Variants in EXT2 observed in about 807,000 individuals in gnomAD.
EXT2 encodes the protein exostosin-2.
Under a neutral mutation model 81.6 loss-of-function variants are expected in EXT2, and 53 were observed. The ratio of observed to expected loss-of-function variants is 0.65; its 90% confidence interval spans 0.52 to 0.82. The LOEUF is 0.82. Ranked by LOEUF, EXT2 falls within the 40% of genes least tolerant of loss-of-function variation. The probability of loss-of-function intolerance (pLI) is 0.00; values close to 1 mark genes in which losing one functional copy is unlikely to be tolerated. For synonymous variants in EXT2, 320 were observed against 340.0 expected (o/e 0.94, Z 0.65); for missense variants, 774 against 910.2 (o/e 0.85, Z 1.93).
chr11:44,119,124 T>TCATATATA (rs1555004227), intron 4 of EXT2, among the ~76,000 whole-genome samples: 47 of 25,652 alleles, frequency 1.8e-3, no homozygotes, highest in African/African-American at 3.4e-3. Context: ...ATTTGGCTAT[T>TCATATATA]TATATATATA....
intron 10 of EXT2, among the ~76,000 whole-genome samples, chr11:44,221,291 A>G (rs1955779464): frequency 6.6e-6 from 1 of 151,654 alleles, no homozygotes; most frequent in Admixed American, 6.6e-5. Flanking sequence ...CCCTCACCTC[A>G]CCCCAGGATC....
intron 10 of EXT2, among the ~76,000 whole-genome samples, chr11:44,226,717 G>A (rs931466510): frequency 3.3e-5 from 5 of 152,374 alleles, no homozygotes; most frequent in Admixed American, 6.5e-5. Context: ...CATGCAAGAC[G>A]AAGCCTGAAG....
At chr11:44,178,744 C>A (rs871504) in intron 8 of EXT2, among the ~76,000 whole-genome samples, 4 of 151,902 alleles carry the variant, frequency 2.6e-5, no homozygotes, top group Non-Finnish European at 4.4e-5. Context: ...ACCCTGCCCC[C>A]CAGGAGGCCT....
chr11:44,132,026 A>G (rs1954500976), intron 7 of EXT2, among the ~76,000 whole-genome samples: 1 of 152,180 alleles, frequency 6.6e-6, no homozygotes, highest in South Asian at 2.1e-4. Context: ...GTGAGCCACC[A>G]CACCTGGCCC....
chr11:44,205,118 C>T (rs1955567117), intron 9 of EXT2, among the ~76,000 whole-genome samples: 1 of 152,162 alleles, frequency 6.6e-6, no homozygotes, highest in African/African-American at 2.4e-5. Context: ...CTGTGTATCA[C>T]TGGGCAAGTT....
At chr11:44,168,536 G>A (rs1955026871) in intron 7 of EXT2, among the ~76,000 whole-genome samples, 1 of 152,164 alleles carries the variant, frequency 6.6e-6, no homozygotes, top group Admixed American at 6.5e-5. Context: ...CCACACCTAG[G>A]CATGTCATAG....
chr11:44,122,427 C>G lies in EXT2; in HGVS notation c.744-2362C>G, dbSNP rs77096930. Among the ~76,000 whole-genome samples, 928 of 152,278 alleles carry G rather than the reference C, an allele frequency of 6.1e-3. 10 individuals are homozygous for G. Among genetic ancestry groups the G allele is most frequent in the African/African-American group, 0.021 (874 of 41,554 alleles). On this transcript the variant is annotated intron_variant, in intron 4 of 13. Transcript: ENST00000533608. ...AATTTGAGCAAAGATGGTGTTTAGT[C>G]TGAGATGAACTGCGGGTGCTCCCTG... is the stretch of plus-strand genomic sequence containing the variant.
intron 9 of EXT2, among the ~76,000 whole-genome samples, chr11:44,206,258 AC>A (rs2135202918): frequency 6.6e-6 from 1 of 152,242 alleles, no homozygotes; most frequent in South Asian, 2.1e-4. Context: ...CACGTCGGGG[AC>A]CTTCGGCACA....
Position 44,104,056 on chromosome 11 carries a change from TTA to T in EXT2, c.-30-3624_-30-3623del, listed in dbSNP as rs375577062. Among the ~76,000 whole-genome samples the T allele has an allele frequency of 2.9e-3, 435 of 152,306 alleles. 1 individual carries two copies. Among genetic ancestry groups the T allele is most frequent in the Middle Eastern group, 0.01 (3 of 294 alleles). On this transcript the variant is annotated intron_variant, in intron 1 of 13. Transcript: ENST00000533608. Reference sequence around the variant, plus strand: ...TTTACTTTGTTGTGATATGTCTTTTTTATAGTTAATCTGCAACTCATAAAGAT... The same window carrying T: ...TTTACTTTGTTGTGATATGTCTTTTTTAGTTAATCTGCAACTCATAAAGAT...
At chr11:44,210,797 C>T (rs1172328691) in intron 10 of EXT2, among the ~76,000 whole-genome samples, 4 of 151,992 alleles carry the variant, frequency 2.6e-5, no homozygotes, top group East Asian at 3.9e-4. Flanking sequence ...AAAATGTTGC[C>T]GAGAGAAATT....
intron 3 of EXT2, among the ~76,000 whole-genome samples, chr11:44,111,734 C>T (rs929214542): frequency 6.6e-6 from 1 of 152,100 alleles, no homozygotes; most frequent in South Asian, 2.1e-4. Context: ...ATCTTGAGGC[C>T]CGTCTTGTTT....
intron 4 of EXT2, among the ~76,000 whole-genome samples, chr11:44,120,680 A>G (rs1024904834): frequency 6.6e-6 from 1 of 152,200 alleles, no homozygotes; most frequent in Non-Finnish European, 1.5e-5. Flanking sequence ...GGCTATACAG[A>G]ATAGTGAGAG....
chr11:44,223,920 G>C (rs1955810884), intron 10 of EXT2, among the ~76,000 whole-genome samples: 1 of 152,194 alleles, frequency 6.6e-6, no homozygotes, highest in Non-Finnish European at 1.5e-5. Context: ...CAAAGTGCTA[G>C]GATTACATGA....
chr11:44,200,249 C>T (rs1955506890), intron 9 of EXT2, among the ~76,000 whole-genome samples: 1 of 150,230 alleles, frequency 6.7e-6, no homozygotes, highest in South Asian at 2.1e-4. Flanking sequence ...ATTGTGGTTA[C>T]CATGTCTGCT....
intron 8 of EXT2, among the ~76,000 whole-genome samples, chr11:44,183,804 C>T (rs1419501192): frequency 1.3e-5 from 2 of 152,134 alleles, no homozygotes; most frequent in African/African-American, 4.8e-5. Context: ...GTCTGCCTGG[C>T]CTTCTTCATA....
At chr11:44,205,739 G>A (rs1269080734) in intron 9 of EXT2, among the ~76,000 whole-genome samples, 1 of 152,156 alleles carries the variant, frequency 6.6e-6, no homozygotes. Flanking sequence ...TGGTGACTTT[G>A]GAGTGGCCAG....
rs773490195 is a variant in EXT2 at position 44,236,350 on chromosome 11, C to T, written c.1993C>T (p.Leu665=). Residue 665 remains leucine (L), a synonymous_variant, in exon 13 of 14, where the codon CTA becomes TTA. Coordinates refer to ENST00000533608, the MANE Select transcript of EXT2 (RefSeq NM_207122.2). The stretch of plus-strand genomic sequence containing the variant: ...GTGCACAGCCATAGATGGGCTTTCA[C>T]TAGACCAAACACACATGGTGGAGAG... ...PECTAIDGLS[L]DQTHMVERSE... is the part of the protein sequence containing the mutation. The T allele has an allele frequency of 4.3e-6, 7 of 1,614,082 alleles. No homozygotes were observed. Among genetic ancestry groups the T allele is most frequent in the Non-Finnish European group, 5.9e-6 (7 of 1,180,008 alleles).
intron 13 of EXT2, among the ~76,000 whole-genome samples, chr11:44,239,221 A>G (rs908080244): frequency 1.3e-5 from 2 of 152,084 alleles, no homozygotes; most frequent in Non-Finnish European, 2.9e-5. Context: ...GAGTGGTAGT[A>G]GTACCTTCAG....
At chr11:44,237,897 C>G (rs899023016) in intron 13 of EXT2, among the ~76,000 whole-genome samples, 1 of 113,148 alleles carries the variant, frequency 8.8e-6, no homozygotes, top group African/African-American at 3.6e-5. Flanking sequence ...AACCCCGTCT[C>G]TACTTAAAAA....
Sources: allele counts gnomAD v4.1 joint callset (sites outside exome capture counted in the v4.1 genomes callset), GRCh38; gene constraint gnomAD v4.1.1; transcripts MANE v1.5; gene names NCBI Gene and HGNC (gene_info 2026-07-23, HGNC 2026-07-21).